Variants in ADAMTSL1 observed in about 807,000 individuals in gnomAD.
ADAMTSL1 encodes the protein ADAMTS-like protein 1.
Under a neutral mutation model 201.8 loss-of-function variants are expected in ADAMTSL1, and 126 were observed. That is an observed-to-expected ratio of 0.62 (90% CI 0.54 to 0.72). ADAMTSL1 has a LOEUF of 0.72. ADAMTSL1 is among the 30% of genes least tolerant of loss of function. ADAMTSL1 has a pLI of 0.00. For synonymous variants in ADAMTSL1, 1,121 were observed against 903.4 expected, an observed-to-expected ratio of 1.24 and a Z score of -4.32; for missense variants, 2,679 against 2,277.8, an observed-to-expected ratio of 1.18 and a Z score of -3.59.
chr9:18,844,079 G>T (rs1825921994), intron 23 of ADAMTSL1, among the ~76,000 whole-genome samples: 1 of 152,212 alleles, frequency 6.6e-6, no homozygotes, highest in Non-Finnish European at 1.5e-5. Context: ...TGCTGGTGAG[G>T]AGCTGTGTTC....
intron 1 of ADAMTSL1, among the ~76,000 whole-genome samples, chr9:17,979,560 C>G (rs964947117): frequency 5.3e-5 from 8 of 150,280 alleles, no homozygotes; most frequent in Non-Finnish European, 1.2e-4. Context: ...CTCTGCTTAA[C>G]GTCATGTTTT....
At chr9:18,013,159 G>C (rs1820124653) in intron 1 of ADAMTSL1, among the ~76,000 whole-genome samples, 1 of 152,050 alleles carries the variant, frequency 6.6e-6, no homozygotes, top group East Asian at 2.0e-4. Flanking sequence ...ATATAATAGA[G>C]TAAAAATTGT....
intron 1 of ADAMTSL1, among the ~76,000 whole-genome samples, chr9:18,028,516 C>T (rs570260318): frequency 2.6e-5 from 4 of 152,020 alleles, no homozygotes; most frequent in African/African-American, 7.2e-5. Context: ...TCTTCTCTGA[C>T]CCTTTTCTCT....
chr9:18,484,728 T>C lies in ADAMTSL1; in HGVS notation c.63+10433T>C, dbSNP rs1449633738. Among the ~76,000 whole-genome samples, 47 of 152,204 alleles carry C rather than the reference T, an allele frequency of 3.1e-4. 1 individual carries two copies. Among genetic ancestry groups the C allele is most frequent in the Admixed American group, 3.1e-3 (47 of 15,282 alleles). ...TGCTGGGACTTTTATTAAGCAGGACTGTCTTGGCTGCAGGCTCCAGGATTT... is the reference window on the plus strand; with the variant it reads ...TGCTGGGACTTTTATTAAGCAGGACCGTCTTGGCTGCAGGCTCCAGGATTT... On this transcript the variant is annotated intron_variant, in intron 1 of 28. Transcript: ENST00000380548.
chr9:18,267,762 T>TA (rs72030473), intron 2 of ADAMTSL1, among the ~76,000 whole-genome samples: 5,285 of 125,248 alleles, frequency 0.042, 322 homozygotes, highest in African/African-American at 0.11. Flanking sequence ...CAAAGGCTAT[T>TA]AAAAAAAAAA....
At chr9:18,455,889 A>G (rs945046984) in intron 2 of ADAMTSL1, among the ~76,000 whole-genome samples, 1 of 152,016 alleles carries the variant, frequency 6.6e-6, no homozygotes, top group Non-Finnish European at 1.5e-5. Flanking sequence ...TTTACAGTTT[A>G]AAGAAAGAGA....
chr9:18,419,789 G>A (rs930423597), intron 2 of ADAMTSL1, among the ~76,000 whole-genome samples: 2 of 146,498 alleles, frequency 1.4e-5, no homozygotes, highest in African/African-American at 5.1e-5. Context: ...CTGGAGTGCA[G>A]TGCGATCTTA....
chr9:18,565,598 T>G (rs1257885076), intron 3 of ADAMTSL1, among the ~76,000 whole-genome samples: 1 of 151,602 alleles, frequency 6.6e-6, no homozygotes, highest in Non-Finnish European at 1.5e-5. Flanking sequence ...CTGTTGGCCT[T>G]TTCAAAAAGG....
chr9:18,779,549 A>G (rs1452656288), intron 19 of ADAMTSL1, among the ~76,000 whole-genome samples: 3 of 152,196 alleles, frequency 2.0e-5, no homozygotes, highest in Non-Finnish European at 4.4e-5. Flanking sequence ...AACACTGGAA[A>G]TGGTCTGAAC....
At chr9:18,247,317 T>C (rs962316944) in intron 2 of ADAMTSL1, among the ~76,000 whole-genome samples, 3 of 152,202 alleles carry the variant, frequency 2.0e-5, no homozygotes, top group Non-Finnish European at 4.4e-5. Context: ...CAAGATATAG[T>C]AGATATCATA....
intron 2 of ADAMTSL1, among the ~76,000 whole-genome samples, chr9:18,308,934 C>T (rs1834012026): frequency 6.6e-6 from 1 of 152,112 alleles, no homozygotes. Context: ...TAAAAATCTT[C>T]AATAAAACAC....
At chr9:17,998,436 G>A (rs1225512581) in intron 1 of ADAMTSL1, among the ~76,000 whole-genome samples, 1 of 152,030 alleles carries the variant, frequency 6.6e-6, no homozygotes, top group Non-Finnish European at 1.5e-5. Flanking sequence ...AGTAATGCTA[G>A]GCTGCTGGTC....
chr9:18,670,439 A>G (rs1446979816), intron 9 of ADAMTSL1, among the ~76,000 whole-genome samples: 2 of 152,098 alleles, frequency 1.3e-5, no homozygotes, highest in African/African-American at 4.8e-5. Context: ...ACATCAGCCA[A>G]TCACCCCCGC....
intron 2 of ADAMTSL1, among the ~76,000 whole-genome samples, chr9:18,388,522 C>A (rs1032575136): frequency 6.6e-6 from 1 of 152,080 alleles, no homozygotes; most frequent in East Asian, 1.9e-4. Flanking sequence ...GTTCTGCCTG[C>A]CTTTGCCTTC....
intron 13 of ADAMTSL1, among the ~76,000 whole-genome samples, chr9:18,706,241 C>T (rs934890209): frequency 1.3e-5 from 2 of 152,160 alleles, no homozygotes; most frequent in African/African-American, 4.8e-5. Context: ...TGTAAACTGT[C>T]GTGGCACTGG....
At chr9:18,783,614 G>A (rs909170526) in intron 19 of ADAMTSL1, among the ~76,000 whole-genome samples, 1 of 152,138 alleles carries the variant, frequency 6.6e-6, no homozygotes, top group African/African-American at 2.4e-5. Context: ...TATTAAGAAT[G>A]GCTTTTAAAG....
At chr9:18,261,768 G>T (rs569779402) in intron 2 of ADAMTSL1, among the ~76,000 whole-genome samples, 1 of 152,178 alleles carries the variant, frequency 6.6e-6, no homozygotes, top group Non-Finnish European at 1.5e-5. Context: ...AAAGCAAGAA[G>T]AGAACTATTG....
intron 2 of ADAMTSL1, among the ~76,000 whole-genome samples, chr9:18,233,496 A>G (rs7048005): frequency 0.11 from 16,848 of 152,174 alleles, 1,001 homozygotes; most frequent in Middle Eastern, 0.21. Flanking sequence ...CATTCATCTA[A>G]TATATCGGAT....
intron 23 of ADAMTSL1, among the ~76,000 whole-genome samples, chr9:18,843,334 C>A (rs1479725972): frequency 1.3e-5 from 2 of 150,942 alleles, no homozygotes; most frequent in Admixed American, 1.3e-4. Flanking sequence ...GTTGAAAATT[C>A]TTTTCTTTAA....
Sources: gnomAD v4.1 joint callset for allele counts (sites outside exome capture counted in the v4.1 genomes callset) on GRCh38, gnomAD v4.1.1 for gene constraint, MANE v1.5 for transcripts, NCBI Gene and HGNC (gene_info 2026-07-23, HGNC 2026-07-21) for gene names.